NXPE2: variants seen among roughly 807,000 people sequenced by gnomAD.
NXPE2 encodes the protein neurexophilin and PC-esterase domain family member 2, also known as NXPE family member 2.
In NXPE2, 34 loss-of-function variants were observed where a neutral mutation model predicts 34.4. The observed-to-expected ratio is 0.99, with a 90% CI of 0.75 to 1.31. The LOEUF (loss-of-function observed/expected upper bound fraction) is 1.31, where lower values mean the gene tolerates loss of function less well. Ranked by LOEUF, NXPE2 falls within the 40% of genes most tolerant of loss-of-function variation. The probability of loss-of-function intolerance (pLI) is 0.00; values close to 1 mark genes in which losing one functional copy is unlikely to be tolerated. For missense variants in NXPE2, 649 were observed against 672.5 expected (o/e 0.97, Z 0.39); for synonymous variants, 235 against 231.3 (o/e 1.02, Z -0.15).
At chr11:114,567,644 C>T in the NXPE2 span, among the ~76,000 whole-genome samples, 1 of 151,920 alleles carries the variant, frequency 6.6e-6, no homozygotes, top group East Asian at 1.9e-4. Flanking sequence ...TTTCTACCTC[C>T]TCATTGGACC....
chr11:114,713,051 C>T, the NXPE2 span, among the ~76,000 whole-genome samples: 1 of 152,086 alleles, frequency 6.6e-6, no homozygotes, highest in Non-Finnish European at 1.5e-5. Flanking sequence ...TATAGGATTC[C>T]ACTCCTATGA....
chr11:114,650,982 T>C, the NXPE2 span, among the ~76,000 whole-genome samples: 1 of 152,118 alleles, frequency 6.6e-6, no homozygotes, highest in African/African-American at 2.4e-5. Context: ...AAAACCCTCT[T>C]GCAACTCAGC....
At chr11:114,514,322 A>T in the NXPE2 span, among the ~76,000 whole-genome samples, 7 of 152,198 alleles carry the variant, frequency 4.6e-5, no homozygotes, top group Admixed American at 1.3e-4. Context: ...TGCATCCTGG[A>T]AATGGAAGCT....
At chr11:114,727,816 C>CACACACAT in the NXPE2 span, among the ~76,000 whole-genome samples, 1 of 151,096 alleles carries the variant, frequency 6.6e-6, no homozygotes, top group Non-Finnish European at 1.5e-5. Flanking sequence ...CACACACACA[C>CACACACAT]ATATCTTTCC....
chr11:114,554,226 A>G, the NXPE2 span: 1 of 979,214 alleles, frequency 1.0e-6, no homozygotes, highest in African/African-American at 1.8e-5. Context: ...TAGCCGAGAT[A>G]CACAACCTTT....
At chr11:114,471,172 C>A in the NXPE2 span, among the ~76,000 whole-genome samples, 2 of 152,132 alleles carry the variant, frequency 1.3e-5, no homozygotes, top group Non-Finnish European at 1.5e-5. Flanking sequence ...TTTAATAGAT[C>A]AGGCTTTTGG....
At chr11:114,577,575 G>A in the NXPE2 span, among the ~76,000 whole-genome samples, 4 of 152,102 alleles carry the variant, frequency 2.6e-5, no homozygotes, top group Admixed American at 1.3e-4. Flanking sequence ...TTAAAAAAGT[G>A]TTATGTAAAT....
the NXPE2 span, among the ~76,000 whole-genome samples, chr11:114,788,726 T>C: frequency 6.6e-6 from 1 of 152,254 alleles, no homozygotes; most frequent in Non-Finnish European, 1.5e-5. Context: ...GTCCATTGTC[T>C]GTGAAGCTTT....
chr11:114,546,425 C>T, the NXPE2 span, among the ~76,000 whole-genome samples: 455 of 151,552 alleles, frequency 3.0e-3, 1 homozygote, highest in African/African-American at 0.01. Context: ...TATAGATATG[C>T]ATGTATTACT....
At chr11:114,745,717 C>T in the NXPE2 span, among the ~76,000 whole-genome samples, 11,977 of 150,908 alleles carry the variant, frequency 0.079, 641 homozygotes, top group Middle Eastern at 0.15. Context: ...CCATGAGAAG[C>T]GAAAACTCAA....
the NXPE2 span, among the ~76,000 whole-genome samples, chr11:114,778,842 G>A: frequency 6.6e-6 from 1 of 152,184 alleles, no homozygotes; most frequent in Non-Finnish European, 1.5e-5. Flanking sequence ...ACCATCTCAG[G>A]CCTTCACTTT....
chr11:114,799,510 T>C, the NXPE2 span, among the ~76,000 whole-genome samples: 2 of 152,132 alleles, frequency 1.3e-5, no homozygotes, highest in Admixed American at 6.5e-5. Flanking sequence ...GTGGGCACTT[T>C]GAGGGGAGAA....
At chr11:114,571,222 C>T in the NXPE2 span, 3 of 1,613,942 alleles carry the variant, frequency 1.9e-6, no homozygotes, top group South Asian at 1.1e-5. Flanking sequence ...ACATTGAGGG[C>T]CCTTCGGATA....
chr11:114,766,953 C>T, the NXPE2 span, among the ~76,000 whole-genome samples: 1 of 151,940 alleles, frequency 6.6e-6, no homozygotes, highest in Non-Finnish European at 1.5e-5. Context: ...TATTCTCTTA[C>T]CCCAGGAAGA....
At chr11:114,796,228 C>T in the NXPE2 span, among the ~76,000 whole-genome samples, 1 of 152,112 alleles carries the variant, frequency 6.6e-6, no homozygotes, top group East Asian at 1.9e-4. Flanking sequence ...ATTTGTTACA[C>T]TGATATATTG....
the NXPE2 span, among the ~76,000 whole-genome samples, chr11:114,777,638 A>G: frequency 6.6e-6 from 1 of 152,144 alleles, no homozygotes; most frequent in African/African-American, 2.4e-5. Flanking sequence ...TTTTCCTCCA[A>G]CTATTCGAGA....
the NXPE2 span, among the ~76,000 whole-genome samples, chr11:114,535,545 A>G: frequency 0.6 from 90,975 of 151,972 alleles, 29,036 homozygotes; most frequent in African/African-American, 0.84. Flanking sequence ...CCCATCTCAC[A>G]TGCAGAGACA....
the NXPE2 span, among the ~76,000 whole-genome samples, chr11:114,634,005 A>G: frequency 3.3e-5 from 5 of 151,888 alleles, no homozygotes; most frequent in East Asian, 7.7e-4. Flanking sequence ...GTCAAATGGT[A>G]TTTCTAGTTC....
chr11:114,617,030 G>T, the NXPE2 span, among the ~76,000 whole-genome samples: 20 of 151,994 alleles, frequency 1.3e-4, no homozygotes, highest in South Asian at 3.7e-3. Flanking sequence ...ATTTCCTCGT[G>T]GGTAACCTCT....
Sources: allele counts gnomAD v4.1 joint callset (sites outside exome capture counted in the v4.1 genomes callset), GRCh38; gene constraint gnomAD v4.1.1; transcripts MANE v1.5; gene names NCBI Gene and HGNC (gene_info 2026-07-23, HGNC 2026-07-21).